Variants in MITF observed in about 807,000 individuals in gnomAD.
MITF encodes microphthalmia-associated transcription factor.
A neutral mutation model predicts 60.5 loss-of-function variants in MITF; 17 were observed. The ratio of observed to expected loss-of-function variants is 0.28; its 90% CI spans 0.19 to 0.42. MITF has a LOEUF of 0.42. Among genes scored for constraint, MITF ranks in the 10% least tolerant of loss-of-function variants. MITF has a pLI of 1.00. For synonymous variants in MITF, 260 were observed against 248.5 expected, an observed-to-expected ratio of 1.05 and a Z score of -0.43; for missense variants, 622 against 683.5, an observed-to-expected ratio of 0.91 and a Z score of 1.00.
At chr3:69,954,763 C>G (rs2107526612) in intron 7 of MITF, among the ~76,000 whole-genome samples, 1 of 152,290 alleles carries the variant, frequency 6.6e-6, no homozygotes. Context: ...CTATTTTATA[C>G]AAGCCTAATG....
chr3:69,864,840 C>T (rs902422510), intron 1 of MITF, among the ~76,000 whole-genome samples: 10 of 152,096 alleles, frequency 6.6e-5, no homozygotes, highest in African/African-American at 1.9e-4. Flanking sequence ...GTTACTGCTG[C>T]CTGGAAAGCA....
At chr3:69,826,683 A>G (rs940307090) in intron 1 of MITF, among the ~76,000 whole-genome samples, 1 of 152,188 alleles carries the variant, frequency 6.6e-6, no homozygotes, top group Non-Finnish European at 1.5e-5. Context: ...GCTTACTAAT[A>G]CCAGTTGTGC....
chr3:69,842,498 C>G (rs2063656137), intron 1 of MITF, among the ~76,000 whole-genome samples: 2 of 152,158 alleles, frequency 1.3e-5, no homozygotes, highest in Admixed American at 1.3e-4. Flanking sequence ...GGAAGCTTAT[C>G]TGAAACTGGA....
At chr3:69,862,470 CAAAA>C (rs750903071) in intron 1 of MITF, among the ~76,000 whole-genome samples, 1 of 152,164 alleles carries the variant, frequency 6.6e-6, no homozygotes, top group East Asian at 1.9e-4. Flanking sequence ...AAATGACTAT[CAAAA>C]GAAAGAATAT....
At chr3:69,833,417 CG>C (rs2063485139) in intron 1 of MITF, among the ~76,000 whole-genome samples, 1 of 116,980 alleles carries the variant, frequency 8.5e-6, no homozygotes, top group Admixed American at 8.4e-5. Flanking sequence ...GTGGTTTCCC[CG>C]TTTACACTGT....
intron 1 of MITF, among the ~76,000 whole-genome samples, chr3:69,850,260 G>T (rs545460346): frequency 6.6e-6 from 1 of 152,264 alleles, no homozygotes; most frequent in Non-Finnish European, 1.5e-5. Flanking sequence ...AGGTGATATA[G>T]CCTGTGGCTT....
intron 1 of MITF, among the ~76,000 whole-genome samples, chr3:69,832,767 A>ATGTGTTT (rs2063471159): frequency 6.6e-6 from 1 of 152,054 alleles, no homozygotes; most frequent in Non-Finnish European, 1.5e-5. Flanking sequence ...TTTACACTAT[A>ATGTGTTT]TGTGTTTTTT....
rs547868395 is a variant in MITF at position 69,773,547 on chromosome 3, G to A, written c.104+33846G>A. On this transcript the variant is annotated intron_variant, in intron 1 of 9. Transcript: ENST00000352241. ...TATTCCTTCTTATAAAACAATGCTT[G>A]TGGGTTGGATAGTTTTTCATGACCT... 4.6e-5 allele frequency among the ~76,000 whole-genome samples: 7 copies of A among 152,276 alleles called. 1 individual carries two copies. The South Asian group carries it at 1.5e-3, about 32-fold the overall frequency.
chr3:69,784,118 T>C (rs2062611117), intron 1 of MITF, among the ~76,000 whole-genome samples: 1 of 152,210 alleles, frequency 6.6e-6, no homozygotes, highest in South Asian at 2.1e-4. Context: ...ATCTTTTCCT[T>C]TGTGGTCTGT....
chr3:69,944,130 T>G (rs1191912526), intron 5 of MITF, among the ~76,000 whole-genome samples: 1 of 152,072 alleles, frequency 6.6e-6, no homozygotes, highest in Non-Finnish European at 1.5e-5. Context: ...GTAGAATGAA[T>G]CCTCATACCT....
At chr3:69,871,541 G>T (rs1277081193) in intron 1 of MITF, among the ~76,000 whole-genome samples, 1 of 152,202 alleles carries the variant, frequency 6.6e-6, no homozygotes, top group Non-Finnish European at 1.5e-5. Context: ...TATGTGTAAG[G>T]TTGCCTGTTA....
chr3:69,771,003 A>G (rs938504862), intron 1 of MITF, among the ~76,000 whole-genome samples: 2 of 152,206 alleles, frequency 1.3e-5, no homozygotes, highest in Non-Finnish European at 2.9e-5. Flanking sequence ...ACAAAAATAT[A>G]TACAGCACCA....
intron 2 of MITF, among the ~76,000 whole-genome samples, chr3:69,927,688 A>C (rs1358156902): frequency 6.6e-6 from 1 of 152,328 alleles, no homozygotes; most frequent in South Asian, 2.1e-4. Context: ...CCCAGGAGGC[A>C]TTTAGCAATG....
At chr3:69,881,127 A>T (rs1366961129) in intron 2 of MITF, among the ~76,000 whole-genome samples, 2 of 152,086 alleles carry the variant, frequency 1.3e-5, no homozygotes, top group Non-Finnish European at 2.9e-5. Flanking sequence ...TAACATACCA[A>T]TATTTTTATA....
rs369862687 is a variant in MITF, at chr3:69,907,311, T to G, written c.354+27928T>G. Among the ~76,000 whole-genome samples the G allele has an allele frequency of 2.2e-4, 34 of 152,204 alleles. 1 individual carries two copies. The East Asian group carries it at 3.1e-3, about 14-fold the overall frequency. On this transcript the variant is annotated intron_variant, in intron 2 of 9. Transcript: ENST00000352241. ...GAAAAAGTCATGTGGGTTTTAGAGA[T>G]GGGGCTCTGTGTGTCAAACTGGTTG...
At chr3:69,763,356 C>G (rs2062238535) in intron 1 of MITF, among the ~76,000 whole-genome samples, 2 of 152,158 alleles carry the variant, frequency 1.3e-5, no homozygotes, top group African/African-American at 2.4e-5. Flanking sequence ...ATGTTATTAA[C>G]TGAATCTATA....
In MITF at chr3:69,779,936, A is replaced by G. The variant is rs1296706553; in HGVS notation, c.104+40235A>G. 2.6e-5 allele frequency among the ~76,000 whole-genome samples: 4 copies of G among 152,150 alleles called. No individual in the cohort carries two copies. In the East Asian group the frequency reaches 5.8e-4, roughly 22 times the overall value. ...TGGACTAGAATGGATTGGAAAAAGA[A>G]CATGGAAGCTAGGACACCTTTGGGA... On this transcript the variant is annotated intron_variant, in intron 1 of 9. Coordinates refer to ENST00000352241, the MANE Select transcript of MITF (RefSeq NM_001354604.2).
intron 4 of MITF, 105 bp downstream of exon 4, chr3:69,939,286 GT>G (rs373274886): frequency 0.061 from 44,259 of 726,596 alleles, no homozygotes; most frequent in South Asian, 0.069. Flanking sequence ...TTCCCCCATT[GT>G]TTTTTTTTTT....
intron 5 of MITF, among the ~76,000 whole-genome samples, chr3:69,948,570 T>C (rs545703201): frequency 6.6e-6 from 1 of 152,190 alleles, no homozygotes; most frequent in African/African-American, 2.4e-5. Context: ...TTTCATTGCT[T>C]TTCCTTGTAA....
Sources: allele counts gnomAD v4.1 joint callset (sites outside exome capture counted in the v4.1 genomes callset), GRCh38; gene constraint gnomAD v4.1.1; transcripts MANE v1.5; gene names NCBI Gene and HGNC (gene_info 2026-07-23, HGNC 2026-07-21).